The following AKNA variants were observed in gnomAD, a reference collection of about 807,000 sequenced individuals.
AKNA encodes microtubule organization protein AKNA.
AKNA carries 67 observed loss-of-function variants against 138.8 expected under a neutral mutation model. That is an observed-to-expected ratio of 0.48 (90% CI 0.40 to 0.59). The LOEUF (loss-of-function observed/expected upper bound fraction) is 0.59, where lower values mean the gene tolerates loss of function less well. Among genes scored for constraint, AKNA ranks in the 20% least tolerant of loss-of-function variants. AKNA has a pLI of 0.00. For synonymous variants in AKNA, 737 were observed against 754.4 expected (o/e 0.98, Z 0.38); for missense variants, 1,813 against 1,880.4 (o/e 0.96, Z 0.66).
At chr9:114,331,430 A>C (rs1184396751), downstream of AKNA, 16 of 660,544 alleles carry the variant, frequency 2.4e-5, no homozygotes, top group East Asian at 2.1e-4. Flanking sequence ...GGGGCTGGGC[A>C]CACGGTGGCC....
chr9:114,351,632 GA>G (rs1168411290), intron 14 of AKNA, among the ~76,000 whole-genome samples: 1 of 140,266 alleles, frequency 7.1e-6, no homozygotes, highest in Non-Finnish European at 1.5e-5. Flanking sequence ...AGGTAATATA[GA>G]AAGACCCCAT....
intron 21 of AKNA, 40 bp from the exon 22 acceptor site, chr9:114,337,346 G>A (rs2131748749): frequency 1.4e-6 from 2 of 1,394,378 alleles, no homozygotes; most frequent in Non-Finnish European, 1.9e-6. Flanking sequence ...ACATGGGGAG[G>A]GCTGGGGACA....
intron 6 of AKNA, 135 bp from the exon 7 acceptor site, chr9:114,364,754 C>A (rs2787351): frequency 2.2e-5 from 19 of 859,902 alleles, no homozygotes; most frequent in Non-Finnish European, 2.1e-5. Flanking sequence ...AGCATGGAGA[C>A]GTGGGTGCTG....
intron 9 of AKNA, among the ~76,000 whole-genome samples, chr9:114,360,724 T>A (rs1831884911): frequency 6.6e-6 from 1 of 152,052 alleles, no homozygotes; most frequent in South Asian, 2.1e-4. Context: ...AACAGACAAG[T>A]CTTTGCAGCA....
intron 15 of AKNA, among the ~76,000 whole-genome samples, 192 bp downstream of exon 15, chr9:114,350,667 C>A (rs1438004850): frequency 6.6e-6 from 1 of 152,090 alleles, no homozygotes; most frequent in Non-Finnish European, 1.5e-5. Flanking sequence ...AGAAGTGTGT[C>A]CTCGATGTCT....
upstream of AKNA, chr9:114,396,896 C>T (rs930314217): frequency 9.9e-5 from 15 of 152,188 alleles, no homozygotes; most frequent in African/African-American, 3.6e-4. Flanking sequence ...AAATACTTTT[C>T]CTTCTCCACG....
At chr9:114,365,724 T>TA (rs1376120316) in intron 6 of AKNA, among the ~76,000 whole-genome samples, 10 of 152,070 alleles carry the variant, frequency 6.6e-5, no homozygotes, top group African/African-American at 9.7e-5. Flanking sequence ...TAATCAATAC[T>TA]AAAAAAATAG....
intron 18 of AKNA, 63 bp downstream of exon 18, chr9:114,345,800 T>C: frequency 6.5e-7 from 1 of 1,527,378 alleles, no homozygotes; most frequent in Non-Finnish European, 9.0e-7. Flanking sequence ...GGGCTTCTCA[T>C]AACAGAGGAG....
chr9:114,397,033 CAG>C (rs1293458572), upstream of AKNA, among the ~76,000 whole-genome samples: 3 of 152,220 alleles, frequency 2.0e-5, no homozygotes, highest in Non-Finnish European at 2.9e-5. Context: ...GCGCCTCTGG[CAG>C]AGTCTGCAGG....
chr9:114,337,347 G>A, intron 21 of AKNA, 41 bp from the exon 22 acceptor site: 1 of 1,393,130 alleles, frequency 7.2e-7, no homozygotes, highest in South Asian at 1.8e-5. Context: ...CATGGGGAGG[G>A]CTGGGGACAA....
At position 114,335,374 on chromosome 9, in the gene AKNA, G is replaced by A. The variant is rs935700292; in HGVS notation, c.*1680C>T. 2 of 152,286 alleles carry A rather than the reference G, an allele frequency of 1.3e-5. No homozygotes were observed. The highest frequency in any genetic ancestry group is 2.9e-5 in the Non-Finnish European group (2 of 68,100). The allele number at this position is 152,286 out of a possible 1,614,324, so 9.4% of individuals were successfully genotyped here. A position where few individuals can be genotyped will look rare whatever the true frequency, so the allele number is the denominator to read the frequency against. On this transcript the variant is annotated 3_prime_UTR_variant, in exon 22 of 22. Coordinates refer to ENST00000374088, the MANE Select transcript of AKNA (RefSeq NM_001317950.2). ...AAAAGGGGGGCAGAGTGAGGGTCCT[G>A]AGGGTTAGCACATGGACTGTGTGAA...
intron 2 of AKNA, among the ~76,000 whole-genome samples, chr9:114,380,668 G>A (rs912505913): frequency 2.0e-5 from 3 of 151,950 alleles, no homozygotes; most frequent in East Asian, 1.9e-4. Flanking sequence ...CTGAAGCAGC[G>A]TCCACTCCCT....
chr9:114,349,983 G>A (rs60947364), intron 15 of AKNA, among the ~76,000 whole-genome samples: 1 of 152,176 alleles, frequency 6.6e-6, no homozygotes, highest in Non-Finnish European at 1.5e-5. Context: ...TGCTCCCACA[G>A]TCCTTTAGTC....
chr9:114,377,636 G>A (rs960822717), intron 2 of AKNA, 104 bp from the exon 3 acceptor site: 16 of 1,178,210 alleles, frequency 1.4e-5, no homozygotes, highest in African/African-American at 7.7e-5. Flanking sequence ...TCCTCATCAC[G>A]TGGGGATGGA....
At chr9:114,356,750 G>A in intron 13 of AKNA, 113 bp downstream of exon 13, 2 of 896,948 alleles carry the variant, frequency 2.2e-6, no homozygotes, top group Non-Finnish European at 3.3e-6. Flanking sequence ...TGAAATGAGG[G>A]CCTACGAATG....
chr9:114,346,053 G>A, intron 17 of AKNA, 44 bp from the exon 18 acceptor site: 1 of 1,590,434 alleles, frequency 6.3e-7, no homozygotes, highest in Non-Finnish European at 8.6e-7. Flanking sequence ...AAGGGGTGGG[G>A]GTCACATTTC....
intron 4 of AKNA, among the ~76,000 whole-genome samples, chr9:114,370,630 G>C (rs560756536): frequency 1.3e-5 from 2 of 152,324 alleles, no homozygotes; most frequent in African/African-American, 2.4e-5. Flanking sequence ...GCTCCCCAAG[G>C]CTGGATTCAC....
At chr9:114,372,264 C>G (rs978506200) in intron 4 of AKNA, among the ~76,000 whole-genome samples, 4 of 152,046 alleles carry the variant, frequency 2.6e-5, no homozygotes, top group Non-Finnish European at 5.9e-5. Flanking sequence ...CATTTCTGGC[C>G]TCTCCTGTGA....
downstream of AKNA, chr9:114,331,742 G>A (rs1829856861): frequency 1.1e-5 from 18 of 1,586,546 alleles, no homozygotes; most frequent in Non-Finnish European, 1.4e-5. Context: ...CCCACCCCTG[G>A]GCTGGCCCCT....
Sources: allele counts gnomAD v4.1 joint callset (sites outside exome capture counted in the v4.1 genomes callset), GRCh38; gene constraint gnomAD v4.1.1; transcripts MANE v1.5; gene names NCBI Gene and HGNC (gene_info 2026-07-23, HGNC 2026-07-21).